Variants in SPTBN5 observed in about 807,000 individuals in gnomAD.
The protein encoded by SPTBN5 is spectrin beta chain, non-erythrocytic 5.
A neutral mutation model predicts 477.6 loss-of-function variants in SPTBN5; 513 were observed. The observed-to-expected ratio is 1.07, with a 90% confidence interval of 1.00 to 1.16. The LOEUF is 1.16. Among genes scored for constraint, SPTBN5 ranks in the 50% most tolerant of loss-of-function variants. The probability of loss-of-function intolerance (pLI) is 0.00; values close to 1 mark genes in which losing one functional copy is unlikely to be tolerated. For synonymous variants in SPTBN5, 2,169 were observed against 2,011.7 expected (o/e 1.08, Z -2.09); for missense variants, 5,062 against 4,731.8 (o/e 1.07, Z -2.05).
At position 41,851,940 on chromosome 15, in the gene SPTBN5, C is replaced by A; in HGVS notation, c.10585-90G>T. On this transcript the variant is annotated intron_variant, in intron 62 of 67. Coordinates refer to ENST00000320955, the MANE Select transcript of SPTBN5 (RefSeq NM_016642.4). ...CCCACTGCCCCCAGCTCTCTTTATT[C>A]CTCCCATCCAAGTACTAACCAGGCC... 3 of 1,109,698 alleles carry A rather than the reference C, an allele frequency of 2.7e-6. No individual in the cohort carries two copies. In the South Asian group the frequency reaches 4.2e-5, roughly 16 times the overall value. The allele number at this position is 1,109,698 out of a possible 1,614,324, so 68.7% of individuals were successfully genotyped here.
Position 41,867,614 on chromosome 15 carries a change from C to T in SPTBN5, c.6236G>A (p.Ser2079Asn), listed in dbSNP as rs1159019858. The change falls in exon 35 of 68, where the codon AGC (serine) becomes AAC (asparagine). Residue 2079 changes from serine (S) to asparagine (N), a missense_variant. Transcript: ENST00000320955. The stretch of plus-strand genomic sequence containing the variant: ...CAACTGCTCTACCTCTTCCACCGAG[C>T]TCCCCAAGGCACTGGTTTTCAGGGA... ...EVSLKTSALG[S>N]SVEEVEQLIR... is the part of the protein sequence containing the mutation. 1 of 1,613,750 alleles carries T rather than the reference C, an allele frequency of 6.2e-7. No individual in the cohort carries two copies. Among genetic ancestry groups the T allele is most frequent in the Non-Finnish European group, 8.5e-7 (1 of 1,179,884 alleles).
rs2065885220 is a variant in SPTBN5 at position 41,854,839 on chromosome 15, C to T, written c.9561G>A (p.Arg3187=). ...PRRYPHIQAQ[R]SRIEAAWERL... is the part of the protein sequence containing the mutation. Reference sequence around the variant, plus strand: ...TCTCCCAAGCAGCCTCAATGCGGCTCCTCTGGGCTTGGATGTGGGGATAGC... The same window carrying T: ...TCTCCCAAGCAGCCTCAATGCGGCTTCTCTGGGCTTGGATGTGGGGATAGC... Residue 3187 remains arginine (R), a synonymous_variant, in exon 56 of 68, where the codon AGG becomes AGA. Transcript: ENST00000320955. The T allele has an allele frequency of 6.2e-7, 1 of 1,601,530 alleles. No individual in the cohort carries two copies. The highest frequency in any genetic ancestry group is 8.5e-7 in the Non-Finnish European group (1 of 1,174,502).
chr15:41,868,008 G>T, intron 34 of SPTBN5, 61 bp downstream of exon 34: 1 of 1,531,950 alleles, frequency 6.5e-7, no homozygotes, highest in Non-Finnish European at 8.7e-7. Context: ...ACTGAGCAGA[G>T]AGGAGAATAG....
chr15:41,861,632 G>A (rs995786387), intron 45 of SPTBN5, 103 bp downstream of exon 45: 1 of 1,498,470 alleles, frequency 6.7e-7, no homozygotes. Context: ...GAAGTCCCTG[G>A]CACAGCAGCC....
chr15:41,867,451 G>A, intron 35 of SPTBN5, 87 bp downstream of exon 35: 1 of 1,290,016 alleles, frequency 7.8e-7, no homozygotes, highest in Non-Finnish European at 1.1e-6. Flanking sequence ...CTGCCTCCAG[G>A]AACACACCAA....
chr15:41,882,865 G>A, intron 9 of SPTBN5, 127 bp from the exon 10 acceptor site: 1 of 1,386,802 alleles, frequency 7.2e-7, no homozygotes, highest in East Asian at 2.5e-5. Flanking sequence ...CAACAGGTGA[G>A]ACGGAGGCTT....
Position 41,871,375 on chromosome 15 carries a change from T to G in SPTBN5, c.5447A>C (p.Gln1816Pro). 6.9e-7 allele frequency: 1 copy of G among 1,443,734 alleles called. No individual in the cohort carries two copies. Among genetic ancestry groups the G allele is most frequent in the South Asian group, 1.5e-5 (1 of 65,214 alleles). The allele number at this position is 1,443,734 out of a possible 1,614,324, so 89.4% of individuals were successfully genotyped here. A position where few individuals can be genotyped will look rare whatever the true frequency, so the allele number is the denominator to read the frequency against. ...PMVRQRQQDLQTAWSELWELT... is the reference protein window; with the variant it reads ...PMVRQRQQDLPTAWSELWELT... ...CTGGCCTGGCCCGTTGGGCACTCACTGCAGATCCTGCTGCCTCTGACGGAC... is the reference window on the plus strand; with the variant it reads ...CTGGCCTGGCCCGTTGGGCACTCACGGCAGATCCTGCTGCCTCTGACGGAC... The change falls in exon 29 of 68, where the codon CAG (glutamine) becomes CCG (proline). Residue 1816 changes from glutamine (Q) to proline (P), a missense_variant and splice_region_variant. Transcript: ENST00000320955.
At chr15:41,863,874 C>T in intron 40 of SPTBN5, 35 bp downstream of exon 40, 1 of 1,613,270 alleles carries the variant, frequency 6.2e-7, no homozygotes, top group Non-Finnish European at 8.5e-7. Flanking sequence ...CACCCCTCTT[C>T]CCGGCCCTTT....
At chr15:41,851,491 C>G in intron 63 of SPTBN5, 122 bp from the exon 64 acceptor site, 1 of 670,470 alleles carries the variant, frequency 1.5e-6, no homozygotes, top group South Asian at 1.9e-5. Context: ...ACCAAAGTCC[C>G]AATGGGGAAA....
chr15:41,884,152 AT>A (rs1406054607), intron 7 of SPTBN5, among the ~76,000 whole-genome samples: 1 of 151,820 alleles, frequency 6.6e-6, no homozygotes, highest in African/African-American at 2.4e-5. Flanking sequence ...CACCTGGCTA[AT>A]TTTTTTGTAT....
chr15:41,848,557 G>A lies in SPTBN5; in HGVS notation c.*59C>T, dbSNP rs906505992. The A allele has an allele frequency of 2.6e-5, 41 of 1,606,218 alleles. No homozygotes were observed. The Admixed American group carries it at 6.5e-4, about 25-fold the overall frequency. On this transcript the variant is annotated 3_prime_UTR_variant, in exon 68 of 68. Transcript: ENST00000320955. ...TTGCCTGTAGCTGAGTCTTATTCTG[G>A]TCCCTTAGATGTGTCCTCGCTTGTG...
rs1254741916 is a variant in SPTBN5 at position 41,863,971 on chromosome 15, G to A, written c.6972C>T (p.Leu2324=). The part of the protein sequence containing the change: ...IRSISDLSLQ[L]KNRDPEEVKI... ...TGACTTCCTCAGGGTCCCGGTTCTT[G>A]AGCTGCAGTGACAAGTCACTGATGC... Residue 2324 remains leucine (L), a synonymous_variant, in exon 40 of 68, where the codon CTC becomes CTT. Coordinates refer to ENST00000320955, the MANE Select transcript of SPTBN5 (RefSeq NM_016642.4). 6.2e-7 allele frequency: 1 copy of A among 1,613,836 alleles called. No homozygotes were observed. The highest frequency in any genetic ancestry group is 8.5e-7 in the Non-Finnish European group (1 of 1,179,884).
rs1318512858 is a variant in SPTBN5, at chr15:41,852,831, T to G, written c.10340A>C (p.Asp3447Ala). 5 of 1,607,460 alleles carry G rather than the reference T, an allele frequency of 3.1e-6. No individual in the cohort carries two copies. Among genetic ancestry groups the G allele is most frequent in the Admixed American group, 3.3e-5 (2 of 59,776 alleles). Residue 3447 changes from aspartate to alanine, a missense_variant, in exon 60 of 68, where the codon GAC becomes GCC. Asp to Ala is a moderately radical substitution (Grantham distance 126). Transcript: ENST00000320955. ...GGCAGGACCCCCACTCACCCCATAG[T>G]CGGGCTTCAGCAGGAGTCCCTCCCA... Reference protein sequence around the residue: ...ACWEGLLLKPDYGHSVSDVEL... With the variant: ...ACWEGLLLKPAYGHSVSDVEL...
chr15:41,853,655 C>A lies in SPTBN5; in HGVS notation c.9907G>T (p.Ala3303Ser). Residue 3303 changes from alanine (A) to serine (S), a missense_variant, in exon 58 of 68, where the codon GCC becomes TCC. Ala to Ser is a moderately conservative substitution (Grantham distance 99). Transcript: ENST00000320955. The stretch of plus-strand genomic sequence containing the variant: ...GCCAGCCACTGGCCTCGCTCCTGGG[C>A]CTTCGCCTGCAGGGTGGCCCAGGCC... ...QEAWATLQAK[A>S]QERGQWLAQA... The A allele has an allele frequency of 6.3e-7, 1 of 1,599,116 alleles. No individual in the cohort carries two copies.
At chr15:41,850,767 C>G (rs2065725506) in intron 66 of SPTBN5, 87 bp downstream of exon 66, 1 of 1,178,854 alleles carries the variant, frequency 8.5e-7, no homozygotes, top group Non-Finnish European at 1.2e-6. Context: ...TGTGAAACCT[C>G]CCTAGGATGC....
chr15:41,876,541 C>T lies in SPTBN5; in HGVS notation c.3951+7G>A, dbSNP rs1172429019. The T allele has an allele frequency of 1.9e-6, 3 of 1,587,450 alleles. No individual in the cohort carries two copies. Among genetic ancestry groups the T allele is most frequent in the Non-Finnish European group, 2.6e-6 (3 of 1,167,242 alleles). On this transcript the variant is annotated splice_region_variant and intron_variant, in intron 20 of 67. Coordinates refer to ENST00000320955, the MANE Select transcript of SPTBN5 (RefSeq NM_016642.4). ...AGGCGTCATGCGACCTGGGCCCAGA[C>T]CCTCACCTGGAGCTGGAGGGAAGCC...
chr15:41,867,766 T>A, intron 34 of SPTBN5, 124 bp from the exon 35 acceptor site: 1 of 965,650 alleles, frequency 1.0e-6, no homozygotes, highest in East Asian at 2.4e-5. Flanking sequence ...GAGCTTGGCA[T>A]GGAGCTGTGA....
In SPTBN5 at chr15:41,874,966, G is replaced by T. The variant is rs762488542; in HGVS notation, c.4378C>A (p.Arg1460=). 1.9e-6 allele frequency: 3 copies of T among 1,613,678 alleles called. No individual in the cohort carries two copies. Among genetic ancestry groups the T allele is most frequent in the Non-Finnish European group, 1.7e-6 (2 of 1,179,878 alleles). Residue 1460 remains arginine (R), a synonymous_variant, in exon 23 of 68, where the codon CGG becomes AGG. Coordinates refer to ENST00000320955, the MANE Select transcript of SPTBN5 (RefSeq NM_016642.4). ...CTCTCACTCTCCAGCTGTTGGTGCC[G>T]TTTCTGCAGCCTCTGGCTGGAGCGC... ...DLRSSQRLQK[R]HQQLESESRT... is the part of the protein sequence containing the mutation.
At chr15:41,885,081 T>C (rs1198229875) in intron 7 of SPTBN5, among the ~76,000 whole-genome samples, 5 of 152,220 alleles carry the variant, frequency 3.3e-5, no homozygotes, top group Non-Finnish European at 5.9e-5. Context: ...TGGAGTGCAA[T>C]GGCGCCATCT....
Sources: gnomAD v4.1 joint callset for allele counts (sites outside exome capture counted in the v4.1 genomes callset) on GRCh38, gnomAD v4.1.1 for gene constraint, MANE v1.5 for transcripts, NCBI Gene and HGNC (gene_info 2026-07-23, HGNC 2026-07-21) for gene names.